Variants in SFXN5 observed in about 807,000 individuals in gnomAD.
The protein encoded by SFXN5 is sideroflexin-5.
SFXN5 carries 43 observed loss-of-function variants against 50.2 expected under a neutral mutation model. The ratio of observed to expected loss-of-function variants is 0.86; its 90% CI spans 0.67 to 1.11. The LOEUF (loss-of-function observed/expected upper bound fraction) is 1.11, where lower values mean the gene tolerates loss of function less well. SFXN5 is among the 50% of genes least tolerant of loss of function. The probability of loss-of-function intolerance (pLI) is 0.00; values close to 1 mark genes in which losing one functional copy is unlikely to be tolerated. For missense variants in SFXN5, 463 were observed against 454.1 expected, an observed-to-expected ratio of 1.02 and a Z score of -0.18; for synonymous variants, 203 against 185.8, an observed-to-expected ratio of 1.09 and a Z score of -0.75.
At chr2:72,956,412 C>T (rs1305587513) in intron 13 of SFXN5, among the ~76,000 whole-genome samples, 1 of 152,104 alleles carries the variant, frequency 6.6e-6, no homozygotes, top group Non-Finnish European at 1.5e-5. Flanking sequence ...CGCAGATTTC[C>T]TGTGGAGGGG....
intron 1 of SFXN5, among the ~76,000 whole-genome samples, chr2:73,064,098 C>T (rs959885009): frequency 1.3e-5 from 2 of 152,346 alleles, no homozygotes; most frequent in Admixed American, 1.3e-4. Flanking sequence ...CCTCCACCAG[C>T]CAGCTCTCTC....
At chr2:72,994,551 G>A (rs970994553) in intron 9 of SFXN5, among the ~76,000 whole-genome samples, 3 of 152,248 alleles carry the variant, frequency 2.0e-5, no homozygotes, top group Admixed American at 6.5e-5. Flanking sequence ...AGGAATGGGC[G>A]TGAAGTGCCT....
chr2:73,020,544 C>G (rs997113447), intron 5 of SFXN5, among the ~76,000 whole-genome samples: 1 of 152,174 alleles, frequency 6.6e-6, no homozygotes, highest in Non-Finnish European at 1.5e-5. Flanking sequence ...CTGCCTGCGA[C>G]CTGGGGCACC....
chr2:73,062,755 C>T (rs1371616671), intron 1 of SFXN5, among the ~76,000 whole-genome samples: 2 of 152,140 alleles, frequency 1.3e-5, no homozygotes, highest in East Asian at 1.9e-4. Flanking sequence ...AATGAAGCAT[C>T]GCGAAGTATA....
chr2:72,979,355 C>T (rs1165319854), intron 10 of SFXN5, among the ~76,000 whole-genome samples: 2 of 138,280 alleles, frequency 1.4e-5, no homozygotes, highest in Non-Finnish European at 3.2e-5. Flanking sequence ...AAAAACAGGC[C>T]GAGTGCAGTG....
intron 2 of SFXN5, among the ~76,000 whole-genome samples, chr2:73,046,135 G>A (rs1230055703): frequency 6.6e-6 from 1 of 152,184 alleles, no homozygotes; most frequent in Non-Finnish European, 1.5e-5. Flanking sequence ...TTGGCCGGGT[G>A]CAGCAGCTCA....
chr2:73,003,841 C>A (rs1275108770), intron 6 of SFXN5, among the ~76,000 whole-genome samples: 1 of 152,140 alleles, frequency 6.6e-6, no homozygotes, highest in Admixed American at 6.5e-5. Flanking sequence ...GACCAGCAAG[C>A]TTTTTACTTT....
At chr2:73,036,091 C>T (rs1364201186) in intron 3 of SFXN5, among the ~76,000 whole-genome samples, 1 of 152,198 alleles carries the variant, frequency 6.6e-6, no homozygotes, top group Admixed American at 6.5e-5. Context: ...AGGCGCAGAG[C>T]CCAGGTGCAG....
At chr2:73,047,502 C>T (rs1574227068) in intron 2 of SFXN5, among the ~76,000 whole-genome samples, 1 of 150,590 alleles carries the variant, frequency 6.6e-6, no homozygotes, top group Admixed American at 6.7e-5. Flanking sequence ...TTATAATAAT[C>T]CCCCCATGTC....
At chr2:72,965,565 C>T (rs116476154) in intron 12 of SFXN5, among the ~76,000 whole-genome samples, 7 of 152,252 alleles carry the variant, frequency 4.6e-5, no homozygotes, top group Non-Finnish European at 8.8e-5. Flanking sequence ...CAGCTATAAA[C>T]ATTCACCCCT....
At chr2:73,065,225 C>A (rs1683090129) in intron 1 of SFXN5, among the ~76,000 whole-genome samples, 1 of 152,120 alleles carries the variant, frequency 6.6e-6, no homozygotes. Flanking sequence ...CCCAGCCTCC[C>A]AAGTAGCTGG....
chr2:73,031,959 T>C (rs1388515832), intron 3 of SFXN5, among the ~76,000 whole-genome samples: 2 of 152,172 alleles, frequency 1.3e-5, no homozygotes, highest in East Asian at 3.8e-4. Flanking sequence ...ACGCCCAGCT[T>C]AGAGGGAGAA....
chr2:73,042,475 T>C (rs918767925), intron 2 of SFXN5: 1 of 152,042 alleles, frequency 6.6e-6, no homozygotes, highest in Non-Finnish European at 1.5e-5. Flanking sequence ...TAGCAGGGCA[T>C]GGTGGTGCGC....
At chr2:73,047,342 TAC>T (rs1559200485) in intron 2 of SFXN5, among the ~76,000 whole-genome samples, 5 of 140,166 alleles carry the variant, frequency 3.6e-5, no homozygotes, top group Admixed American at 1.5e-4. Flanking sequence ...TATATATATG[TAC>T]ATATATATGT....
At chr2:72,955,964 T>G (rs1003382686) in intron 13 of SFXN5, among the ~76,000 whole-genome samples, 9 of 152,252 alleles carry the variant, frequency 5.9e-5, no homozygotes, top group African/African-American at 2.2e-4. Context: ...TCATGACCTG[T>G]GCTGTCACCT....
At chr2:73,003,133 G>T (rs1418547272) in intron 6 of SFXN5, among the ~76,000 whole-genome samples, 1 of 152,060 alleles carries the variant, frequency 6.6e-6, no homozygotes, top group African/African-American at 2.4e-5. Flanking sequence ...TGAGCCTAGC[G>T]GGGGTGGGGA....
chr2:73,006,318 G>T (rs944240855), intron 6 of SFXN5, among the ~76,000 whole-genome samples: 1 of 152,112 alleles, frequency 6.6e-6, no homozygotes, highest in Non-Finnish European at 1.5e-5. Context: ...CCAGCCAACC[G>T]CAGATCCCTA....
intron 9 of SFXN5, among the ~76,000 whole-genome samples, chr2:72,994,230 G>T (rs1221464625): frequency 6.6e-6 from 1 of 152,156 alleles, no homozygotes; most frequent in Non-Finnish European, 1.5e-5. Context: ...CCTAAACAAT[G>T]CCTGGCGTGC....
At chr2:72,999,901 T>C (rs1249732466) in intron 8 of SFXN5, among the ~76,000 whole-genome samples, 2 of 152,028 alleles carry the variant, frequency 1.3e-5, no homozygotes, top group African/African-American at 2.4e-5. Flanking sequence ...AACAGAAGGG[T>C]GACTGGGCCT....
Sources: allele counts gnomAD v4.1 joint callset (sites outside exome capture counted in the v4.1 genomes callset), GRCh38; gene constraint gnomAD v4.1.1; transcripts MANE v1.5; gene names NCBI Gene and HGNC (gene_info 2026-07-23, HGNC 2026-07-21).